Variants in PAX2 observed in about 807,000 individuals in gnomAD.
The protein encoded by PAX2 is paired box 2, also known as paired box protein Pax-2.
In PAX2, 9 loss-of-function variants were observed where a neutral mutation model predicts 41.7. The observed-to-expected ratio is 0.22, with a 90% confidence interval of 0.13 to 0.38. PAX2 has a LOEUF of 0.38. Among genes scored for constraint, PAX2 ranks in the 10% least tolerant of loss-of-function variants. The probability of loss-of-function intolerance (pLI) is 1.00; values close to 1 mark genes in which losing one functional copy is unlikely to be tolerated. For synonymous variants in PAX2, 221 were observed against 212.7 expected, an observed-to-expected ratio of 1.04 and a Z score of -0.34; for missense variants, 418 against 531.6, an observed-to-expected ratio of 0.79 and a Z score of 2.10.
At chr10:100,765,093 T>C (rs1286446977) in intron 3 of PAX2, among the ~76,000 whole-genome samples, 1 of 152,238 alleles carries the variant, frequency 6.6e-6, no homozygotes, top group Non-Finnish European at 1.5e-5. Context: ...TTGACAATCA[T>C]TGCAGTTATT....
intron 1 of PAX2, chr10:100,735,832 T>A (rs1438941491): frequency 3.8e-6 from 3 of 796,388 alleles, no homozygotes; most frequent in Non-Finnish European, 4.6e-6. Flanking sequence ...CTTTCATCCC[T>A]GTGCTCAGTA....
At chr10:100,781,185 G>A (rs753803276) in intron 4 of PAX2, 61 bp from the exon 5 acceptor site, 14 of 1,588,052 alleles carry the variant, frequency 8.8e-6, no homozygotes, top group African/African-American at 1.3e-5. Flanking sequence ...TGGGGCTTTG[G>A]CCTACGATCA....
intron 1 of PAX2, among the ~76,000 whole-genome samples, chr10:100,738,935 G>A (rs1348963262): frequency 6.6e-6 from 1 of 151,882 alleles, no homozygotes; most frequent in East Asian, 1.9e-4. Flanking sequence ...CAGTCGCCTG[G>A]GGCAGGGGTC....
At chr10:100,766,543 G>A (rs1846036914) in intron 3 of PAX2, among the ~76,000 whole-genome samples, 1 of 152,196 alleles carries the variant, frequency 6.6e-6, no homozygotes, top group South Asian at 2.1e-4. Flanking sequence ...ATTGGCATAA[G>A]GTTTGGACTA....
intron 3 of PAX2, among the ~76,000 whole-genome samples, chr10:100,756,206 G>A (rs975282437): frequency 1.3e-5 from 2 of 152,106 alleles, no homozygotes; most frequent in East Asian, 3.9e-4. Flanking sequence ...TGAAAAGGGG[G>A]TTCCTATGAG....
In PAX2 at chr10:100,829,902, AAAT is replaced by A. The variant is rs532556878; in HGVS notation, c.*2295_*2297del. On this transcript the variant is annotated 3_prime_UTR_variant, in exon 10 of 10. Coordinates refer to ENST00000355243, the MANE Select transcript of PAX2 (RefSeq NM_000278.5). ...TTTTTCTTTTGTGCACATAAGAAAT[AAAT>A]AATAATAATAAATAAAGAATAAAAT... 1.7e-5 allele frequency: 3 copies of A among 177,748 alleles called. No individual in the cohort carries two copies. The highest frequency in any genetic ancestry group is 9.4e-5 in the East Asian group (1 of 10,590). 11.0% of individuals were successfully genotyped at this position (177,748 alleles called of 1,614,324 possible).
chr10:100,748,424 A>G lies in PAX2; in HGVS notation c.44-1322A>G. The G allele has an allele frequency of 1.0e-6, 1 of 984,594 alleles. No individual in the cohort carries two copies. Among genetic ancestry groups the G allele is most frequent in the Non-Finnish European group, 1.2e-6 (1 of 829,728 alleles). The allele number at this position is 984,594 out of a possible 1,614,324, so 61.0% of individuals were successfully genotyped here. A position where few individuals can be genotyped will look rare whatever the true frequency, so the allele number is the denominator to read the frequency against. The stretch of plus-strand genomic sequence containing the variant: ...GGGTTTCACCGAGCTTGCTCTAGGT[A>G]CCCCCCGAGAAAGGGAGGGGAGAGA... On this transcript the variant is annotated intron_variant, in intron 1 of 9. Transcript: ENST00000355243. This position sits in a 1 kb window ranked among gnomAD's most constrained non-coding sequence, Gnocchi z 5.0.
rs749045342 is a variant in PAX2 at position 100,749,723 on chromosome 10, GT to G, written c.44-16del. On this transcript the variant is annotated intron_variant, in intron 1 of 9. Coordinates refer to ENST00000355243, the MANE Select transcript of PAX2 (RefSeq NM_000278.5). ...GTCCCTGCTGTGTGTGGGGTGTTGT[GT>G]TTTTTTCTTGTCTCTCCCCAGCAGG... The G allele has an allele frequency of 3.1e-6, 5 of 1,604,408 alleles. No individual in the cohort carries two copies. The South Asian group carries it at 5.5e-5, about 18-fold the overall frequency.
At chr10:100,773,493 A>G (rs1175361309) in intron 3 of PAX2, among the ~76,000 whole-genome samples, 1 of 152,172 alleles carries the variant, frequency 6.6e-6, no homozygotes, top group Non-Finnish European at 1.5e-5. Context: ...CATACATAAC[A>G]TAACATAATA....
intron 3 of PAX2, among the ~76,000 whole-genome samples, chr10:100,753,678 C>G (rs1227756010): frequency 1.3e-5 from 2 of 152,214 alleles, no homozygotes; most frequent in African/African-American, 4.8e-5. Flanking sequence ...CACACATGCT[C>G]ACCCACCTGA....
intron 1 of PAX2, among the ~76,000 whole-genome samples, chr10:100,738,816 C>G (rs943833600): frequency 2.6e-4 from 40 of 152,132 alleles, no homozygotes; most frequent in Non-Finnish European, 1.9e-4. Flanking sequence ...CAAACCAAAG[C>G]ATTTTTTCCA....
rs949182221 is a variant in PAX2 at position 100,827,963 on chromosome 10, C to G, written c.*344C>G. 1.3e-5 allele frequency: 4 copies of G among 313,798 alleles called. No homozygotes were observed. Among genetic ancestry groups the G allele is most frequent in the African/African-American group, 8.7e-5 (4 of 46,190 alleles). 19.4% of individuals were successfully genotyped at this position (313,798 alleles called of 1,614,324 possible). A position where few individuals can be genotyped will look rare whatever the true frequency, so the allele number is the denominator to read the frequency against. On this transcript the variant is annotated 3_prime_UTR_variant, in exon 10 of 10. Transcript: ENST00000355243. The surrounding 1 kb of genome is among the most constrained non-coding windows in gnomAD (Gnocchi z 8.5). ...GCCAGCCCCGAAGCCCGCCAGCCAC[C>G]CTGCCGGACTCGGGCGCGACCTGCT... is the stretch of plus-strand genomic sequence containing the variant.
At chr10:100,811,687 G>C (rs876671) in intron 7 of PAX2, among the ~76,000 whole-genome samples, 19,592 of 152,246 alleles carry the variant, frequency 0.13, 2,649 homozygotes, top group African/African-American at 0.34. Flanking sequence ...AAGGGCTTTG[G>C]TGGGAGAAGA....
intron 5 of PAX2, among the ~76,000 whole-genome samples, chr10:100,797,135 T>C (rs1847366834): frequency 6.6e-6 from 1 of 152,232 alleles, no homozygotes; most frequent in African/African-American, 2.4e-5. Flanking sequence ...CAGCCAACAT[T>C]CATGATCACT....
intron 5 of PAX2, among the ~76,000 whole-genome samples, chr10:100,788,213 T>G (rs945125086): frequency 1.3e-5 from 2 of 152,196 alleles, no homozygotes; most frequent in Non-Finnish European, 2.9e-5. Flanking sequence ...TCCCCCTGCT[T>G]CCAGATAGAT....
rs748782103 is a variant in PAX2 at position 100,806,443 on chromosome 10, C to T, written c.630C>T (p.Gly210=). Residue 210 remains glycine, a synonymous_variant, in exon 6 of 10, where the codon GGC becomes GGT. Coordinates refer to ENST00000355243, the MANE Select transcript of PAX2 (RefSeq NM_000278.5). ...TGTGTTCTCCAGATGTGTCTGAGGG[C>T]TCAGTCCCCAATGGAGATTCCCAGA... ...KRKRDEDVSE[G]SVPNGDSQSG... 1.2e-6 allele frequency: 2 copies of T among 1,614,124 alleles called. No homozygotes were observed. The highest frequency in any genetic ancestry group is 1.7e-6 in the Non-Finnish European group (2 of 1,180,034).
chr10:100,735,599 C>A, exon 1 of PAX2: 1 of 931,072 alleles, frequency 1.1e-6, no homozygotes, highest in Non-Finnish European at 1.3e-6. Flanking sequence ...GGTGGCTGCG[C>A]CCAGATCTCC....
chr10:100,802,701 G>A (rs938800967), intron 5 of PAX2, among the ~76,000 whole-genome samples: 15 of 152,142 alleles, frequency 9.9e-5, no homozygotes, highest in African/African-American at 2.7e-4. Context: ...CATTAGTCAC[G>A]GTCCCTGCCA....
At chr10:100,794,861 AT>A (rs55984446) in intron 5 of PAX2, among the ~76,000 whole-genome samples, 138,181 of 151,954 alleles carry the variant, frequency 0.91, 62,869 homozygotes, top group East Asian at 1. Context: ...TGTGTAATTG[AT>A]TTTTTTTTTA....
Sources: allele counts gnomAD v4.1 joint callset (sites outside exome capture counted in the v4.1 genomes callset), GRCh38; gene constraint gnomAD v4.1.1; non-coding constraint Gnocchi (gnomAD v3.1); transcripts MANE v1.5; gene names NCBI Gene and HGNC (gene_info 2026-07-23, HGNC 2026-07-21).